The following HNRNPR variants were observed in gnomAD, a reference collection of about 807,000 sequenced individuals.
HNRNPR encodes heterogeneous nuclear ribonucleoprotein R.
HNRNPR carries 4 observed loss-of-function variants against 70.3 expected under a neutral mutation model. The ratio of observed to expected loss-of-function variants is 0.06; its 90% CI spans 0.03 to 0.13. HNRNPR has a LOEUF of 0.13. HNRNPR is among the 10% of genes least tolerant of loss of function. The probability of loss-of-function intolerance (pLI) is 1.00; values close to 1 mark genes in which losing one functional copy is unlikely to be tolerated. For missense variants in HNRNPR, 423 were observed against 788.5 expected, an observed-to-expected ratio of 0.54 and a Z score of 5.55; for synonymous variants, 241 against 267.6, an observed-to-expected ratio of 0.90 and a Z score of 0.97.
At chr1:23,343,157 T>C (rs1221158975) in intron 1 of HNRNPR, among the ~76,000 whole-genome samples, 1 of 152,142 alleles carries the variant, frequency 6.6e-6, no homozygotes, top group African/African-American at 2.4e-5. Flanking sequence ...GCAAATATAC[T>C]AACGTGACTG....
At chr1:23,337,570 T>C (rs1406373503) in intron 4 of HNRNPR, among the ~76,000 whole-genome samples, 184 bp downstream of exon 4, 1 of 150,378 alleles carries the variant, frequency 6.6e-6, no homozygotes, top group Non-Finnish European at 1.5e-5. Context: ...GGCAGGAGAA[T>C]GGCATGAACT....
At chr1:23,311,392 T>G (rs778481890) in intron 9 of HNRNPR, 70 bp from the exon 10 acceptor site, 2 of 1,008,302 alleles carry the variant, frequency 2.0e-6, no homozygotes, top group Non-Finnish European at 1.5e-6. Flanking sequence ...GTATGTAAGC[T>G]ATTATACTTG....
intron 1 of HNRNPR, among the ~76,000 whole-genome samples, chr1:23,343,115 T>C (rs900114783): frequency 1.3e-5 from 2 of 152,240 alleles, no homozygotes; most frequent in Non-Finnish European, 1.5e-5. Flanking sequence ...TTCAACACAA[T>C]GCCACACAGC....
Position 23,340,914 on chromosome 1 carries a change from G to A in HNRNPR, c.95C>T (p.Thr32Ile). 6.2e-7 allele frequency: 1 copy of A among 1,613,230 alleles called. No individual in the cohort carries two copies. Among genetic ancestry groups the A allele is most frequent in the Non-Finnish European group, 8.5e-7 (1 of 1,179,468 alleles). Residue 32 changes from threonine to isoleucine, a missense_variant, in exon 2 of 11, where the codon ACA (threonine) becomes ATA (isoleucine). Thr to Ile is a moderately conservative substitution (Grantham distance 89, BLOSUM62 -1). Transcript: ENST00000302271. ...CTGTGGGAGGCCTGCCTCTATCAGT[G>A]TCTTGTAGTGTTCTGTGTGAGTTAC... Reference protein sequence around the residue: ...SSVTHTEHYKTLIEAGLPQKV... With the variant: ...SSVTHTEHYKILIEAGLPQKV...
chr1:23,336,646 A>G (rs1339371998), intron 4 of HNRNPR, among the ~76,000 whole-genome samples: 1 of 147,362 alleles, frequency 6.8e-6, no homozygotes, highest in East Asian at 2.0e-4. Flanking sequence ...GCTACTCAGG[A>G]GGCTGAGGCA....
chr1:23,331,159 T>C lies in HNRNPR; in HGVS notation c.498+2359A>G, dbSNP rs117440118. ...TCATATTTGCTGTATACAACAACAT[T>C]TAACATACAGAAGAATGCATCTTTC... On this transcript the variant is annotated intron_variant, in intron 5 of 10. Coordinates refer to ENST00000302271, the MANE Select transcript of HNRNPR (RefSeq NM_005826.5). 2.8e-4 allele frequency among the ~76,000 whole-genome samples: 42 copies of C among 152,296 alleles called. No homozygotes were observed. In the East Asian group the frequency reaches 7.1e-3, roughly 26 times the overall value.
intron 5 of HNRNPR, among the ~76,000 whole-genome samples, chr1:23,325,484 T>A (rs1371226862): frequency 6.6e-6 from 1 of 152,160 alleles, no homozygotes; most frequent in Non-Finnish European, 1.5e-5. Context: ...ACACAATAGT[T>A]ATTGCAATTC....
intron 2 of HNRNPR, among the ~76,000 whole-genome samples, chr1:23,339,437 A>G (rs1646627838): frequency 1.3e-5 from 2 of 152,242 alleles, no homozygotes; most frequent in African/African-American, 4.8e-5. Context: ...ATGTAAGTAT[A>G]TTCAACTGCA....
intron 1 of HNRNPR, among the ~76,000 whole-genome samples, chr1:23,342,362 C>T (rs1646735141): frequency 6.6e-6 from 1 of 152,108 alleles, no homozygotes; most frequent in Non-Finnish European, 1.5e-5. Context: ...GAAGAAAATG[C>T]AAAGGATTAC....
chr1:23,337,204 A>G (rs568267390), intron 4 of HNRNPR, among the ~76,000 whole-genome samples: 2 of 152,364 alleles, frequency 1.3e-5, no homozygotes, highest in South Asian at 4.1e-4. Flanking sequence ...CTACCAGCGA[A>G]GCATCAATAA....
At position 23,307,097 on chromosome 1, in the gene HNRNPR, G is replaced by A. The variant is rs1230016158; in HGVS notation, c.*3357C>T. On this transcript the variant is annotated 3_prime_UTR_variant, in exon 11 of 11. Coordinates refer to ENST00000302271, the MANE Select transcript of HNRNPR (RefSeq NM_005826.5). ...TTTCTTTAAGAATATTGGTAGCTCA[G>A]TATAATAAAATTATCTTTGAAAAAT... 6.6e-6 allele frequency: 1 copy of A among 152,086 alleles called. No homozygotes were observed. The highest frequency in any genetic ancestry group is 1.5e-5 in the Non-Finnish European group (1 of 67,994). The allele number at this position is 152,086 out of a possible 1,614,324, so 9.4% of individuals were successfully genotyped here. A position where few individuals can be genotyped will look rare whatever the true frequency, so the allele number is the denominator to read the frequency against.
chr1:23,336,922 G>A (rs1646517040), intron 4 of HNRNPR, among the ~76,000 whole-genome samples: 1 of 152,066 alleles, frequency 6.6e-6, no homozygotes, highest in Non-Finnish European at 1.5e-5. Context: ...AATAATAATG[G>A]TTCATGGTTA....
chr1:23,321,463 T>C (rs1557859130), intron 7 of HNRNPR, 65 bp downstream of exon 7: 1 of 1,372,582 alleles, frequency 7.3e-7, no homozygotes, highest in South Asian at 1.3e-5. Context: ...CTCAGTTTTT[T>C]TGAGCACTTG....
chr1:23,317,404 G>C (rs193225846), intron 8 of HNRNPR, among the ~76,000 whole-genome samples: 1 of 151,990 alleles, frequency 6.6e-6, no homozygotes, highest in Non-Finnish European at 1.5e-5. Flanking sequence ...CTTGCCGTGA[G>C]TGGAGATCGC....
rs566904919 is a variant in HNRNPR, at chr1:23,317,970, ACT to A, written c.1017+511_1017+512del. On this transcript the variant is annotated intron_variant, in intron 8 of 10. Coordinates refer to ENST00000302271, the MANE Select transcript of HNRNPR (RefSeq NM_005826.5). ...ACTCCAGCCTGGGCAACACAGCAAG[ACT>A]CTGTCTCAAAAAATAATAATAATAA... Among the ~76,000 whole-genome samples the A allele has an allele frequency of 6.8e-4, 104 of 151,962 alleles. 1 individual carries two copies. Among genetic ancestry groups the A allele is most frequent in the African/African-American group, 2.3e-3 (97 of 41,470 alleles).
At chr1:23,327,521 G>C (rs1286741614) in intron 5 of HNRNPR, among the ~76,000 whole-genome samples, 6 of 151,856 alleles carry the variant, frequency 4.0e-5, no homozygotes, top group Non-Finnish European at 1.5e-5. Context: ...AACCCTGTCT[G>C]TAACTAAAAA....
chr1:23,318,737 T>A lies in HNRNPR; in HGVS notation c.812-49A>T. On this transcript the variant is annotated intron_variant, in intron 7 of 10. Coordinates refer to ENST00000302271, the MANE Select transcript of HNRNPR (RefSeq NM_005826.5). This position sits in a 1 kb window ranked among gnomAD's most constrained non-coding sequence, Gnocchi z 4.2. ...ATAAGCCAAAAGCATCCACCACACA[T>A]CTAGCGATTAGGCAGACCTAAATCC... 1 of 1,581,268 alleles carries A rather than the reference T, an allele frequency of 6.3e-7. No homozygotes were observed.
Position 23,321,803 on chromosome 1 carries a change from A to G in HNRNPR, c.676-140T>C, listed in dbSNP as rs1179113767. 6 of 722,078 alleles carry G rather than the reference A, an allele frequency of 8.3e-6. No homozygotes were observed. In the African/African-American group the frequency reaches 1.1e-4, roughly 13 times the overall value. The allele number at this position is 722,078 out of a possible 1,614,324, so 44.7% of individuals were successfully genotyped here. A position where few individuals can be genotyped will look rare whatever the true frequency, so the allele number is the denominator to read the frequency against. On this transcript the variant is annotated intron_variant, in intron 6 of 10. Transcript: ENST00000302271. The stretch of plus-strand genomic sequence containing the variant: ...CAAGTTCCCTCATGCTTTCCATAAT[A>G]TGAATGTATATTTTAAACTTCATTG...
chr1:23,338,158 A>G (rs2148483585), intron 3 of HNRNPR: 3 of 326,396 alleles, frequency 9.2e-6, no homozygotes, highest in East Asian at 5.5e-5. Flanking sequence ...TCCCACCTAC[A>G]TTTTCCTCCA....
Sources: gnomAD v4.1 joint callset for allele counts (sites outside exome capture counted in the v4.1 genomes callset) on GRCh38, gnomAD v4.1.1 for gene constraint, Gnocchi (gnomAD v3.1) non-coding constraint, MANE v1.5 for transcripts, NCBI Gene and HGNC (gene_info 2026-07-23, HGNC 2026-07-21) for gene names.